The following SKIC3 variants were observed in gnomAD, a reference collection of about 807,000 sequenced individuals.
The protein encoded by SKIC3 is SKI3 subunit of superkiller complex.
chr5:95,529,457 A>G, the SKIC3 span: 1 of 353,330 alleles, frequency 2.8e-6, no homozygotes, highest in Non-Finnish European at 5.5e-6. Flanking sequence ...ATACTGTGCA[A>G]ACTCCTTACC....
At chr5:95,477,203 C>T in the SKIC3 span, among the ~76,000 whole-genome samples, 1 of 152,070 alleles carries the variant, frequency 6.6e-6, no homozygotes, top group Admixed American at 6.5e-5. Context: ...TAGTTGGCCA[C>T]ATTATTATTA....
the SKIC3 span, chr5:95,523,640 GATT>G: frequency 3.7e-6 from 6 of 1,611,726 alleles, no homozygotes; most frequent in Non-Finnish European, 5.1e-6. Context: ...AAGCAAAAGT[GATT>G]ATTAGACATA....
chr5:95,514,206 T>C, the SKIC3 span, among the ~76,000 whole-genome samples: 1 of 152,182 alleles, frequency 6.6e-6, no homozygotes, highest in Non-Finnish European at 1.5e-5. Flanking sequence ...TCATTATAAT[T>C]TCTCAACCAG....
the SKIC3 span, among the ~76,000 whole-genome samples, chr5:95,530,682 C>T: frequency 6.6e-6 from 1 of 152,208 alleles, no homozygotes; most frequent in Non-Finnish European, 1.5e-5. Context: ...GGTTACTCAT[C>T]AGGACACTGC....
the SKIC3 span, among the ~76,000 whole-genome samples, chr5:95,539,198 T>A: frequency 1.3e-5 from 2 of 152,110 alleles, no homozygotes; most frequent in African/African-American, 4.8e-5. Flanking sequence ...CTATTTCCAA[T>A]GTAATTCATG....
chr5:95,528,665 T>C, the SKIC3 span, among the ~76,000 whole-genome samples: 1 of 151,998 alleles, frequency 6.6e-6, no homozygotes, highest in Non-Finnish European at 1.5e-5. Flanking sequence ...AGGTTTCCCC[T>C]CTCTATATGA....
At chr5:95,471,615 C>T in the SKIC3 span, among the ~76,000 whole-genome samples, 1 of 152,134 alleles carries the variant, frequency 6.6e-6, no homozygotes, top group East Asian at 1.9e-4. Context: ...CCCCAATTCC[C>T]CTCAGCTCCC....
At chr5:95,519,339 T>TA in the SKIC3 span, among the ~76,000 whole-genome samples, 23 of 152,168 alleles carry the variant, frequency 1.5e-4, no homozygotes, top group South Asian at 2.7e-3. Flanking sequence ...GCTGCTATGT[T>TA]ACTGGCAGAT....
At chr5:95,528,059 A>C in the SKIC3 span, 1 of 1,613,816 alleles carries the variant, frequency 6.2e-7, no homozygotes, top group Non-Finnish European at 8.5e-7. Context: ...ATAATCTGAG[A>C]GTTTAATCAA....
the SKIC3 span, chr5:95,520,653 T>C: frequency 7.6e-7 from 1 of 1,309,500 alleles, no homozygotes; most frequent in Non-Finnish European, 1.1e-6. Context: ...AAAATGATCT[T>C]CTAAATTTGG....
chr5:95,479,999 A>T, the SKIC3 span, among the ~76,000 whole-genome samples: 1 of 152,182 alleles, frequency 6.6e-6, no homozygotes, highest in Non-Finnish European at 1.5e-5. Flanking sequence ...ACTGTAATTC[A>T]ATGGGGACTG....
the SKIC3 span, chr5:95,521,933 T>C: frequency 2.4e-6 from 3 of 1,238,418 alleles, no homozygotes; most frequent in South Asian, 2.7e-5. Context: ...TTCATATGGA[T>C]GCTTGCTGTT....
the SKIC3 span, chr5:95,516,537 C>G: frequency 1.2e-6 from 2 of 1,613,192 alleles, no homozygotes; most frequent in African/African-American, 2.7e-5. Flanking sequence ...TTTGTTCTGA[C>G]TGGATTGATT....
chr5:95,497,343 A>G, the SKIC3 span: 1 of 1,251,792 alleles, frequency 8.0e-7, no homozygotes, highest in Non-Finnish European at 1.1e-6. Flanking sequence ...ATAATGCCAT[A>G]GTTTAAAATT....
At chr5:95,515,027 A>G in the SKIC3 span, 1 of 1,094,386 alleles carries the variant, frequency 9.1e-7, no homozygotes, top group Non-Finnish European at 1.3e-6. Context: ...CATCATAAAT[A>G]TGTATGAACA....
chr5:95,499,789 C>T, the SKIC3 span, among the ~76,000 whole-genome samples: 1 of 152,092 alleles, frequency 6.6e-6, no homozygotes, highest in African/African-American at 2.4e-5. Context: ...ATACTCCAAA[C>T]GAGTATTTTT....
the SKIC3 span, among the ~76,000 whole-genome samples, chr5:95,492,674 A>AG: frequency 1.9e-4 from 27 of 141,036 alleles, no homozygotes; most frequent in Non-Finnish European, 3.1e-4. Flanking sequence ...AAAAAAAAAA[A>AG]AAAAAAAAAA....
the SKIC3 span, among the ~76,000 whole-genome samples, chr5:95,542,546 G>T: frequency 2.6e-5 from 4 of 152,000 alleles, no homozygotes; most frequent in Non-Finnish European, 5.9e-5. Flanking sequence ...ATTAAAGAAC[G>T]ATCAGATATC....
At chr5:95,521,238 A>C in the SKIC3 span, 2 of 156,294 alleles carry the variant, frequency 1.3e-5, no homozygotes, top group African/African-American at 4.8e-5. Context: ...TAAATGAAAT[A>C]GTGATTACCT....
Sources: allele counts gnomAD v4.1 joint callset (sites outside exome capture counted in the v4.1 genomes callset), GRCh38; gene constraint gnomAD v4.1.1; transcripts MANE v1.5; gene names NCBI Gene and HGNC (gene_info 2026-07-23, HGNC 2026-07-21).